PRKN: variants seen among roughly 807,000 people sequenced by gnomAD.
The protein encoded by PRKN is parkin RBR E3 ubiquitin protein ligase.
In PRKN, 56 loss-of-function variants were observed where a neutral mutation model predicts 59.5. The ratio of observed to expected loss-of-function variants is 0.94; its 90% CI spans 0.76 to 1.18. PRKN has a LOEUF of 1.18. Among genes scored for constraint, PRKN ranks in the 50% most tolerant of loss-of-function variants. The probability of loss-of-function intolerance (pLI) is 0.00; values close to 1 mark genes in which losing one functional copy is unlikely to be tolerated. For missense variants in PRKN, 657 were observed against 596.4 expected (o/e 1.10, Z -1.06); for synonymous variants, 250 against 222.1 (o/e 1.13, Z -1.12).
chr6:162,229,711 T>G (rs1305378546), intron 3 of PRKN, among the ~76,000 whole-genome samples: 1 of 152,100 alleles, frequency 6.6e-6, no homozygotes, highest in Non-Finnish European at 1.5e-5. Flanking sequence ...TTTCCACTGT[T>G]CCTCTCAACA....
At chr6:162,675,494 C>G (rs965650817) in intron 1 of PRKN, among the ~76,000 whole-genome samples, 2 of 152,026 alleles carry the variant, frequency 1.3e-5, no homozygotes, top group Non-Finnish European at 2.9e-5. Flanking sequence ...TTTACAACAC[C>G]AGGGAAAATT....
chr6:162,218,897 G>A (rs985124990), intron 3 of PRKN, among the ~76,000 whole-genome samples: 10 of 152,074 alleles, frequency 6.6e-5, no homozygotes, highest in African/African-American at 2.2e-4. Flanking sequence ...TACACACCTC[G>A]GCATGGTGGC....
intron 1 of PRKN, among the ~76,000 whole-genome samples, chr6:162,603,390 C>T (rs1461112212): frequency 6.6e-6 from 1 of 152,160 alleles, no homozygotes; most frequent in Non-Finnish European, 1.5e-5. Context: ...CTACAGCCTA[C>T]AAACCAGATG....
chr6:161,902,173 G>A (rs545035708), intron 6 of PRKN, among the ~76,000 whole-genome samples: 1 of 152,142 alleles, frequency 6.6e-6, no homozygotes, highest in Admixed American at 6.5e-5. Flanking sequence ...CTGGGCTTAT[G>A]CTGCCTCTTT....
chr6:162,557,524 G>T (rs201635446), intron 1 of PRKN, among the ~76,000 whole-genome samples: 1 of 139,240 alleles, frequency 7.2e-6, no homozygotes, highest in Non-Finnish European at 1.6e-5. Flanking sequence ...CTGTTTGTTT[G>T]TTTTTTTGAG....
chr6:162,632,475 C>T (rs1777529239), intron 1 of PRKN, among the ~76,000 whole-genome samples: 1 of 152,120 alleles, frequency 6.6e-6, no homozygotes, highest in East Asian at 1.9e-4. Flanking sequence ...CTGGACATAA[C>T]AATGGACACT....
At chr6:161,886,653 C>T (rs1030620399) in intron 6 of PRKN, among the ~76,000 whole-genome samples, 10 of 151,570 alleles carry the variant, frequency 6.6e-5, no homozygotes, top group South Asian at 2.1e-4. Context: ...GCCGAGATCG[C>T]GCCACTGCAC....
intron 1 of PRKN, among the ~76,000 whole-genome samples, chr6:162,674,089 T>C (rs1231823927): frequency 6.6e-6 from 1 of 152,206 alleles, no homozygotes. Context: ...CATTAAGAGC[T>C]CAATGTATGC....
chr6:162,564,673 T>G (rs192380770), intron 1 of PRKN, among the ~76,000 whole-genome samples: 1 of 152,244 alleles, frequency 6.6e-6, no homozygotes, highest in East Asian at 1.9e-4. Context: ...AGTGGAAACC[T>G]TACAGGCTAG....
At chr6:162,393,957 A>C (rs1346387208) in intron 2 of PRKN, among the ~76,000 whole-genome samples, 1 of 152,216 alleles carries the variant, frequency 6.6e-6, no homozygotes, top group African/African-American at 2.4e-5. Context: ...TTTGATTACA[A>C]AAGAAATACA....
chr6:162,414,433 C>T (rs781068494), intron 2 of PRKN, among the ~76,000 whole-genome samples: 6 of 151,720 alleles, frequency 4.0e-5, no homozygotes, highest in South Asian at 2.1e-4. Context: ...ATCTGCCGGG[C>T]GTGGTGGCTC....
At chr6:161,583,973 T>C (rs1477110631) in intron 7 of PRKN, among the ~76,000 whole-genome samples, 1 of 152,170 alleles carries the variant, frequency 6.6e-6, no homozygotes, top group East Asian at 1.9e-4. Context: ...CCATTTAACA[T>C]TTCCATCATT....
intron 1 of PRKN, among the ~76,000 whole-genome samples, chr6:162,486,531 C>T (rs1159715614): frequency 6.6e-6 from 1 of 152,176 alleles, no homozygotes; most frequent in Admixed American, 6.5e-5. Flanking sequence ...CATACACTTG[C>T]TCATCTATTT....
intron 7 of PRKN, among the ~76,000 whole-genome samples, chr6:161,783,332 T>C (rs1583159688): frequency 6.6e-6 from 1 of 151,438 alleles, no homozygotes; most frequent in East Asian, 1.9e-4. Flanking sequence ...GTAACCAACA[T>C]GGTGACAATG....
chr6:161,634,722 T>G (rs1783450333), intron 7 of PRKN, among the ~76,000 whole-genome samples: 3 of 152,148 alleles, frequency 2.0e-5, no homozygotes, highest in African/African-American at 7.2e-5. Context: ...GCCTCACCAA[T>G]TTCGAATTTG....
chr6:161,710,030 T>C (rs974277734), intron 7 of PRKN, among the ~76,000 whole-genome samples: 2 of 152,138 alleles, frequency 1.3e-5, no homozygotes, highest in Non-Finnish European at 2.9e-5. Context: ...TTAAATGGCT[T>C]CCATGATTAA....
chr6:162,166,429 G>T (rs1782992687), intron 4 of PRKN, among the ~76,000 whole-genome samples: 1 of 152,126 alleles, frequency 6.6e-6, no homozygotes, highest in Admixed American at 6.6e-5. Flanking sequence ...CATTCTCTGG[G>T]GGGTGATAAT....
chr6:162,403,075 TTA>T (rs1488367766), intron 2 of PRKN, among the ~76,000 whole-genome samples: 1 of 152,134 alleles, frequency 6.6e-6, no homozygotes, highest in Non-Finnish European at 1.5e-5. Flanking sequence ...ACTCCCAGAT[TTA>T]TATCTTTTCC....
chr6:162,491,799 G>A (rs976982733), intron 1 of PRKN, among the ~76,000 whole-genome samples: 4 of 152,176 alleles, frequency 2.6e-5, no homozygotes, highest in African/African-American at 7.2e-5. Context: ...AGGGACTTCC[G>A]GGCATGGCTC....
Sources: allele counts gnomAD v4.1 joint callset (sites outside exome capture counted in the v4.1 genomes callset), GRCh38; gene constraint gnomAD v4.1.1; transcripts MANE v1.5; gene names NCBI Gene and HGNC (gene_info 2026-07-23, HGNC 2026-07-21).